Variants in MDM4 observed in about 807,000 individuals in gnomAD.
MDM4 encodes the protein MDM4 regulator of p53.
In MDM4, 2 loss-of-function variants were observed where a neutral mutation model predicts 60.2. The observed-to-expected ratio is 0.03, with a 90% confidence interval of 0.01 to 0.10. The LOEUF is 0.10. MDM4 is among the 10% of genes least tolerant of loss of function. The pLI, the probability that MDM4 is intolerant of heterozygous loss-of-function variation, is 1.00. For synonymous variants in MDM4, 202 were observed against 198.1 expected (o/e 1.02, Z -0.17); for missense variants, 447 against 577.5 (o/e 0.77, Z 2.32).
intron 3 of MDM4, chr1:204,529,371 T>C: frequency 1.1e-6 from 1 of 936,462 alleles, no homozygotes; most frequent in Non-Finnish European, 1.8e-6. Flanking sequence ...GGAGCCACCC[T>C]GTCCATGAGG....
chr1:204,546,759 A>G (rs1662701433), intron 9 of MDM4, 38 bp from the exon 10 acceptor site: 2 of 1,403,568 alleles, frequency 1.4e-6, no homozygotes, highest in Admixed American at 1.8e-5. Flanking sequence ...CATCTAAAAC[A>G]AGTAAACATT....
rs1663030045 is a variant in MDM4 at position 204,549,821 on chromosome 1, A to G, written c.*139A>G. 4 of 571,154 alleles carry G rather than the reference A, an allele frequency of 7.0e-6. No homozygotes were observed. The highest frequency in any genetic ancestry group is 9.0e-6 in the Non-Finnish European group (3 of 334,606). 35.4% of individuals were successfully genotyped at this position (571,154 alleles called of 1,614,324 possible). A position where few individuals can be genotyped will look rare whatever the true frequency, so the allele number is the denominator to read the frequency against. ...AATCCAAGGTAGCTGTAAGAAAAAT[A>G]CTGGAGCTAACAATGAAGAACAGAA... On this transcript the variant is annotated 3_prime_UTR_variant, in exon 11 of 11. Coordinates refer to ENST00000367182, the MANE Select transcript of MDM4 (RefSeq NM_002393.5).
At chr1:204,548,143 CCTA>C (rs1349103281) in intron 10 of MDM4, among the ~76,000 whole-genome samples, 4 of 152,196 alleles carry the variant, frequency 2.6e-5, no homozygotes, top group African/African-American at 9.7e-5. Context: ...TATTTTATGT[CCTA>C]CTAAGAAAAA....
chr1:204,550,061 G>A lies in MDM4; in HGVS notation c.*379G>A, dbSNP rs1009772111. On this transcript the variant is annotated 3_prime_UTR_variant, in exon 11 of 11. Coordinates refer to ENST00000367182, the MANE Select transcript of MDM4 (RefSeq NM_002393.5). ...CCCAAAAAAGCAATAGAATGTTTCT[G>A]TCACCCCAAAACACTCCCTTCTGCC... The A allele has an allele frequency of 4.2e-6, 1 of 237,942 alleles. No individual in the cohort carries two copies. The highest frequency in any genetic ancestry group is 2.2e-5 in the African/African-American group (1 of 45,172). 14.7% of individuals were successfully genotyped at this position (237,942 alleles called of 1,614,324 possible). A position where few individuals can be genotyped will look rare whatever the true frequency, so the allele number is the denominator to read the frequency against.
At chr1:204,548,635 A>G (rs1473506384) in intron 10 of MDM4, among the ~76,000 whole-genome samples, 1 of 152,202 alleles carries the variant, frequency 6.6e-6, no homozygotes, top group East Asian at 1.9e-4. Flanking sequence ...GTGCAATGAG[A>G]GTGCATGAGT....
rs1232816685 is a variant in MDM4, at chr1:204,551,808, AT to A, written c.*2129del. The A allele has an allele frequency of 4.5e-6, 1 of 222,796 alleles. No homozygotes were observed. The highest frequency in any genetic ancestry group is 9.0e-6 in the Non-Finnish European group (1 of 111,694). 13.8% of individuals were successfully genotyped at this position (222,796 alleles called of 1,614,324 possible). A position where few individuals can be genotyped will look rare whatever the true frequency, so the allele number is the denominator to read the frequency against. The stretch of plus-strand genomic sequence containing the variant: ...TTTGAGATCTGGACCAGGAATTTGC[AT>A]TTGAACAAGTGTTCCTGGAATCTCT... On this transcript the variant is annotated 3_prime_UTR_variant, in exon 11 of 11. Coordinates refer to ENST00000367182, the MANE Select transcript of MDM4 (RefSeq NM_002393.5).
chr1:204,527,819 G>A (rs1212243038), intron 3 of MDM4, among the ~76,000 whole-genome samples: 1 of 151,516 alleles, frequency 6.6e-6, no homozygotes, highest in East Asian at 1.9e-4. Context: ...ATTTGGTGGG[G>A]TAGATATCTA....
Position 204,532,195 on chromosome 1 carries a change from C to A in MDM4, c.292C>A (p.Leu98Ile). Residue 98 changes from leucine to isoleucine, a missense_variant, in exon 5 of 11, where the codon CTC (leucine) becomes ATC (isoleucine). Physicochemically the swap from Leu to Ile is conservative, Grantham distance 5. Coordinates refer to ENST00000367182, the MANE Select transcript of MDM4 (RefSeq NM_002393.5). ...QSFSVKDPSP[L>I]YDMLRKNLVT... ...TTTATCTTCTCTCTTTAACAGCCCT[C>A]TCTATGATATGCTAAGAAAGAATCT... 1 of 1,595,124 alleles carries A rather than the reference C, an allele frequency of 6.3e-7. No homozygotes were observed. The highest frequency in any genetic ancestry group is 8.6e-7 in the Non-Finnish European group (1 of 1,163,548).
At chr1:204,529,496 G>A in intron 3 of MDM4, 2 of 1,522,024 alleles carry the variant, frequency 1.3e-6, no homozygotes, top group Non-Finnish European at 1.8e-6. Flanking sequence ...CAGGATTGAG[G>A]TGTCCATAGG....
chr1:204,537,635 G>C, intron 6 of MDM4, 138 bp downstream of exon 6: 1 of 662,274 alleles, frequency 1.5e-6, no homozygotes, highest in East Asian at 2.6e-5. Context: ...TCACAGACCA[G>C]GGACAGAGTG....
intron 3 of MDM4, among the ~76,000 whole-genome samples, chr1:204,528,011 C>T (rs1008350041): frequency 1.3e-5 from 2 of 150,546 alleles, no homozygotes; most frequent in African/African-American, 2.4e-5. Flanking sequence ...TTAAGCACAT[C>T]GTTTTGGAGT....
At chr1:204,524,957 G>GT (rs1491114152) in intron 1 of MDM4, among the ~76,000 whole-genome samples, 6 of 151,730 alleles carry the variant, frequency 4.0e-5, no homozygotes, top group African/African-American at 1.2e-4. Flanking sequence ...TAATTGCTGT[G>GT]TTTTTTTCTG....
At position 204,520,553 on chromosome 1, in the gene MDM4, T is replaced by C. The variant is rs569918398; in HGVS notation, c.-36+4044T>C. ...GGGGATATTATCGTTAAATATAGGT[T>C]ATGATCAGAGTCTTAGTTTGTGGAA... On this transcript the variant is annotated intron_variant, in intron 1 of 10. Transcript: ENST00000367182. Among the ~76,000 whole-genome samples the C allele has an allele frequency of 2.6e-5, 4 of 152,224 alleles. No individual in the cohort carries two copies. In the East Asian group the frequency reaches 7.7e-4, roughly 29 times the overall value.
rs1392099558 is a variant in MDM4 at position 204,550,618 on chromosome 1, G to A, written c.*936G>A. 1.1e-5 allele frequency: 2 copies of A among 176,526 alleles called. No individual in the cohort carries two copies. Among genetic ancestry groups the A allele is most frequent in the Admixed American group, 1.3e-4 (2 of 15,556 alleles). 10.9% of individuals were successfully genotyped at this position (176,526 alleles called of 1,614,324 possible). A position where few individuals can be genotyped will look rare whatever the true frequency, so the allele number is the denominator to read the frequency against. ...ACTTTGTCATCCAAGCTGGAGTGCAGTGGTGCAAACACGGCCCACCTCCTG... is the reference window on the plus strand; with the variant it reads ...ACTTTGTCATCCAAGCTGGAGTGCAATGGTGCAAACACGGCCCACCTCCTG... On this transcript the variant is annotated 3_prime_UTR_variant, in exon 11 of 11. Transcript: ENST00000367182.
chr1:204,528,861 G>A, intron 3 of MDM4: 1 of 1,569,808 alleles, frequency 6.4e-7, no homozygotes, highest in Non-Finnish European at 8.7e-7. Context: ...CATCCGAGCT[G>A]TCATGGTGAC....
In MDM4 at chr1:204,557,129, A is replaced by G. The variant is rs527634564; in HGVS notation, c.*7447A>G. The G allele has an allele frequency of 4.0e-4, 79 of 198,008 alleles. No homozygotes were observed. Among genetic ancestry groups the G allele is most frequent in the African/African-American group, 1.6e-3 (69 of 43,460 alleles). The allele number at this position is 198,008 out of a possible 1,614,324, so 12.3% of individuals were successfully genotyped here. A position where few individuals can be genotyped will look rare whatever the true frequency, so the allele number is the denominator to read the frequency against. On this transcript the variant is annotated 3_prime_UTR_variant, in exon 11 of 11. Transcript: ENST00000367182. ...TTTCCTTGAAGAGATCTAAGAACCT[A>G]TTATGCTCTTGGTGTACCAAGCTCT...
chr1:204,547,230 T>G (rs1662754279), intron 10 of MDM4, among the ~76,000 whole-genome samples: 1 of 152,186 alleles, frequency 6.6e-6, no homozygotes, highest in African/African-American at 2.4e-5. Flanking sequence ...GACAGACCCA[T>G]AGGCTATCTA....
intron 8 of MDM4, among the ~76,000 whole-genome samples, chr1:204,543,957 T>C (rs1662388986): frequency 6.6e-6 from 1 of 152,234 alleles, no homozygotes; most frequent in Admixed American, 6.5e-5. Context: ...AATAAATGGA[T>C]GAGTATTTAA....
chr1:204,541,136 A>G (rs897404548), intron 7 of MDM4, among the ~76,000 whole-genome samples: 2 of 152,128 alleles, frequency 1.3e-5, no homozygotes, highest in African/African-American at 4.8e-5. Context: ...AGGCAATTTT[A>G]AGATATATAA....
Sources: allele counts gnomAD v4.1 joint callset (sites outside exome capture counted in the v4.1 genomes callset), GRCh38; gene constraint gnomAD v4.1.1; transcripts MANE v1.5; gene names NCBI Gene and HGNC (gene_info 2026-07-23, HGNC 2026-07-21).